Variants in USP31 observed in about 807,000 individuals in gnomAD.
USP31 encodes the protein ubiquitin specific peptidase 31.
In USP31, 44 loss-of-function variants were observed where a neutral mutation model predicts 119.4. The observed-to-expected ratio is 0.37, with a 90% CI of 0.29 to 0.47. USP31 has a LOEUF of 0.47. Ranked by LOEUF, USP31 falls within the 20% of genes least tolerant of loss-of-function variation. The probability of loss-of-function intolerance (pLI) is 0.99; values close to 1 mark genes in which losing one functional copy is unlikely to be tolerated. For synonymous variants in USP31, 749 were observed against 705.6 expected (o/e 1.06, Z -0.97); for missense variants, 1,643 against 1,730.2 (o/e 0.95, Z 0.89).
intron 1 of USP31, among the ~76,000 whole-genome samples, chr16:23,123,251 C>G (rs984379257): frequency 1.3e-5 from 2 of 152,128 alleles, no homozygotes; most frequent in Non-Finnish European, 2.9e-5. Context: ...AAAAAGTTGA[C>G]ATTAGGCTGG....
chr16:23,149,126 G>A lies in USP31; in HGVS notation c.145C>T (p.Pro49Ser). 1 of 1,254,554 alleles carries A rather than the reference G, an allele frequency of 8.0e-7. No homozygotes were observed. Among genetic ancestry groups the A allele is most frequent in the Non-Finnish European group, 1.0e-6 (1 of 977,308 alleles). 77.7% of individuals were successfully genotyped at this position (1,254,554 alleles called of 1,614,324 possible). A position where few individuals can be genotyped will look rare whatever the true frequency, so the allele number is the denominator to read the frequency against. Residue 49 changes from proline to serine, a missense_variant, in exon 1 of 16, where the codon CCT (proline) becomes TCT (serine). This residue lies in a region of USP31 where 302 missense variants were observed against 262.6 expected (regional missense o/e 1.15). Transcript: ENST00000219689. ...GGPGASGPAA[P>S]SSPSSPSSAR... ...GAGGAGGGCGAGGAGGGCGAGGAAG[G>A]CGCGGCCGGCCCGGACGCCCCGGGG...
chr16:23,078,738 T>TC (rs1398481566), intron 13 of USP31, among the ~76,000 whole-genome samples: 1 of 152,170 alleles, frequency 6.6e-6, no homozygotes, highest in African/African-American at 2.4e-5. Flanking sequence ...TGTGAGGGGC[T>TC]CAATAAATGT....
chr16:23,114,949 G>A (rs1185522110), intron 1 of USP31, among the ~76,000 whole-genome samples: 2 of 152,080 alleles, frequency 1.3e-5, no homozygotes, highest in Non-Finnish European at 1.5e-5. Flanking sequence ...AGAATCTAAC[G>A]GCCAATCCTT....
chr16:23,137,556 T>C (rs1903230007), intron 1 of USP31, among the ~76,000 whole-genome samples: 1 of 150,820 alleles, frequency 6.6e-6, no homozygotes, highest in South Asian at 2.1e-4. Flanking sequence ...TATTCTGTCC[T>C]CTTCCTTTGG....
chr16:23,114,948 C>T (rs149014546), intron 1 of USP31, among the ~76,000 whole-genome samples: 119 of 152,278 alleles, frequency 7.8e-4, no homozygotes, highest in African/African-American at 2.5e-3. Context: ...AAGAATCTAA[C>T]GGCCAATCCT....
At chr16:23,148,583 G>A in intron 1 of USP31, 55 bp downstream of exon 1, 2 of 1,410,134 alleles carry the variant, frequency 1.4e-6, no homozygotes, top group South Asian at 1.6e-5. Context: ...ACCTGGGCGG[G>A]CAGGTGCCCC....
At position 23,074,317 on chromosome 16, in the gene USP31, G is replaced by A. The variant is rs924628229; in HGVS notation, c.2177-437C>T. The stretch of plus-strand genomic sequence containing the variant: ...AGCCCCCTGCAAGACAAAACTGTCC[G>A]ACCAAAATGGTGCCAGGGTGAAGAA... On this transcript the variant is annotated intron_variant, in intron 13 of 15. Transcript: ENST00000219689. 3.9e-5 allele frequency among the ~76,000 whole-genome samples: 6 copies of A among 152,242 alleles called. No homozygotes were observed. In the South Asian group the frequency reaches 8.3e-4, roughly 21 times the overall value.
chr16:23,105,809 A>T (rs1046552361), intron 4 of USP31, among the ~76,000 whole-genome samples: 1 of 151,916 alleles, frequency 6.6e-6, no homozygotes, highest in Non-Finnish European at 1.5e-5. Flanking sequence ...GCAAACAAAA[A>T]TATATCTACA....
chr16:23,140,368 T>C (rs1316541973), intron 1 of USP31, among the ~76,000 whole-genome samples: 3 of 152,134 alleles, frequency 2.0e-5, no homozygotes, highest in Non-Finnish European at 4.4e-5. Context: ...CAACCACATC[T>C]AGTGGGTGAA....
At position 23,090,623 on chromosome 16, in the gene USP31, C is replaced by T. The variant is rs770939342; in HGVS notation, c.1415+1G>A. 1 of 1,603,476 alleles carries T rather than the reference C, an allele frequency of 6.2e-7. No individual in the cohort carries two copies. The highest frequency in any genetic ancestry group is 8.5e-7 in the Non-Finnish European group (1 of 1,171,672). On this transcript the variant is annotated splice_donor_variant, in intron 7 of 15. Coordinates refer to ENST00000219689, the MANE Select transcript of USP31 (RefSeq NM_020718.4). LOFTEE classifies it high-confidence loss of function. The stretch of plus-strand genomic sequence containing the variant: ...TTACTGGAAAATAATCTGGTTCTCA[C>T]CTTTTCCCTTGTTGCCCAGTGCAGG...
At chr16:23,096,391 T>C (rs1209596656) in intron 6 of USP31, among the ~76,000 whole-genome samples, 1 of 152,162 alleles carries the variant, frequency 6.6e-6, no homozygotes, top group Non-Finnish European at 1.5e-5. Context: ...CACACAATAA[T>C]GGGAGACTTT....
At chr16:23,125,063 AGCATCCCTTTCTTAT>A (rs1902806817) in intron 1 of USP31, among the ~76,000 whole-genome samples, 1 of 152,168 alleles carries the variant, frequency 6.6e-6, no homozygotes. Flanking sequence ...CTCTCCTACC[AGCATCCCTTTCTTAT>A]GTCCCAGACC....
At chr16:23,085,789 T>C in intron 9 of USP31, 127 bp from the exon 10 acceptor site, 1 of 849,864 alleles carries the variant, frequency 1.2e-6, no homozygotes, top group South Asian at 1.8e-5. Flanking sequence ...TCATCATAGT[T>C]CCCCATCAGA....
intron 1 of USP31, among the ~76,000 whole-genome samples, chr16:23,118,880 G>C (rs1902579464): frequency 6.6e-6 from 1 of 151,894 alleles, no homozygotes; most frequent in Non-Finnish European, 1.5e-5. Flanking sequence ...GGCTGAGGCA[G>C]GAGGATCGCT....
intron 6 of USP31, among the ~76,000 whole-genome samples, chr16:23,096,634 C>G (rs1470069464): frequency 6.6e-6 from 1 of 152,186 alleles, no homozygotes; most frequent in East Asian, 1.9e-4. Flanking sequence ...GAAACCACAA[C>G]AAACTTGTCT....
intron 1 of USP31, among the ~76,000 whole-genome samples, chr16:23,123,895 G>C (rs1030706446): frequency 2.0e-5 from 3 of 151,818 alleles, no homozygotes; most frequent in Non-Finnish European, 4.4e-5. Flanking sequence ...AGCTACCAGA[G>C]AGCTGAGGTG....
In USP31 at chr16:23,068,763, C is replaced by T; in HGVS notation, c.3342G>A (p.Lys1114=). 1 of 1,581,792 alleles carries T rather than the reference C, an allele frequency of 6.3e-7. No individual in the cohort carries two copies. Among genetic ancestry groups the T allele is most frequent in the South Asian group, 1.2e-5 (1 of 85,296 alleles). Residue 1114 remains lysine, a synonymous_variant, in exon 16 of 16, where the codon AAG becomes AAA. Transcript: ENST00000219689. ...QDSVSSPSPQ[K]QKSASALTYT... ...AGGTGAGGGCCGAGGCTGACTTCTGCTTCTGTGGCGAAGGAGATGACACGG... is the reference window on the plus strand; with the variant it reads ...AGGTGAGGGCCGAGGCTGACTTCTGTTTCTGTGGCGAAGGAGATGACACGG...
chr16:23,134,674 T>TAAAAAAAAAAAA (rs371982166), intron 1 of USP31, among the ~76,000 whole-genome samples: 10 of 86,780 alleles, frequency 1.2e-4, no homozygotes, highest in East Asian at 3.3e-4. Flanking sequence ...GAAACAAAGC[T>TAAAAAAAAAAAA]AAAAAAAAAA....
rs1033409427 is a variant in USP31 at position 23,065,297 on chromosome 16, T to C, written c.*2749A>G. 3.3e-5 allele frequency: 5 copies of C among 149,316 alleles called. No homozygotes were observed. The highest frequency in any genetic ancestry group is 1.2e-4 in the African/African-American group (5 of 40,446). 9.2% of individuals were successfully genotyped at this position (149,316 alleles called of 1,614,324 possible). On this transcript the variant is annotated 3_prime_UTR_variant, in exon 16 of 16. Coordinates refer to ENST00000219689, the MANE Select transcript of USP31 (RefSeq NM_020718.4). ...TAACCCCAAAGCACATACACGCTCATTGTGCTAAATATTGCTGGGAAAATT... is the reference window on the plus strand; with the variant it reads ...TAACCCCAAAGCACATACACGCTCACTGTGCTAAATATTGCTGGGAAAATT...
Sources: gnomAD v4.1 joint callset for allele counts (sites outside exome capture counted in the v4.1 genomes callset) on GRCh38, gnomAD v4.1.1 for gene constraint, gnomAD v4.1.1 regional missense constraint, MANE v1.5 for transcripts, NCBI Gene and HGNC (gene_info 2026-07-23, HGNC 2026-07-21) for gene names.